Variants in PSMA6 observed in about 807,000 individuals in gnomAD.
PSMA6 encodes proteasome subunit alpha type-6.
For missense variants in PSMA6, 170 were observed against 294.8 expected, an observed-to-expected ratio of 0.58 and a Z score of 3.10; for synonymous variants, 88 against 97.7, an observed-to-expected ratio of 0.90 and a Z score of 0.59.
intron 1 of PSMA6, among the ~76,000 whole-genome samples, chr14:35,285,921 A>G (rs778290538): frequency 4.6e-5 from 7 of 152,238 alleles, no homozygotes; most frequent in Non-Finnish European, 1.0e-4. Context: ...TCACTTCTGA[A>G]TAATAGCAGT....
At chr14:35,279,178 G>T (rs995958984) in intron 1 of PSMA6, among the ~76,000 whole-genome samples, 2 of 152,146 alleles carry the variant, frequency 1.3e-5, no homozygotes, top group African/African-American at 4.8e-5. Flanking sequence ...CTCCTGAGTA[G>T]CTGGGATTAC....
chr14:35,297,101 C>CA (rs947579499), intron 1 of PSMA6, among the ~76,000 whole-genome samples: 7 of 87,626 alleles, frequency 8.0e-5, no homozygotes, highest in South Asian at 8.3e-4. Flanking sequence ...TAAGTAGCTT[C>CA]AAAAAAATCT....
intron 1 of PSMA6, among the ~76,000 whole-genome samples, chr14:35,306,042 A>G (rs2051820247): frequency 6.6e-6 from 1 of 152,122 alleles, no homozygotes; most frequent in Non-Finnish European, 1.5e-5. Flanking sequence ...CCTGGGCAAC[A>G]TGGGAAGACT....
At chr14:35,307,331 C>G (rs892911802) in intron 1 of PSMA6, among the ~76,000 whole-genome samples, 1 of 152,148 alleles carries the variant, frequency 6.6e-6, no homozygotes, top group Non-Finnish European at 1.5e-5. Context: ...AAATTTAAAG[C>G]AGCTAAATTT....
At chr14:35,301,168 GAGA>G (rs2138730615) in intron 1 of PSMA6, among the ~76,000 whole-genome samples, 1 of 152,242 alleles carries the variant, frequency 6.6e-6, no homozygotes, top group South Asian at 2.1e-4. Context: ...GGGAAGTTCA[GAGA>G]AGTAGGAGAG....
chr14:35,294,052 T>A (rs774065111), intron 1 of PSMA6, among the ~76,000 whole-genome samples: 2 of 152,236 alleles, frequency 1.3e-5, no homozygotes, highest in Non-Finnish European at 2.9e-5. Context: ...TTATTTATTT[T>A]TATTTTTTTG....
intron 1 of PSMA6, among the ~76,000 whole-genome samples, chr14:35,298,985 C>T (rs1474444797): frequency 1.3e-5 from 2 of 152,056 alleles, no homozygotes; most frequent in Non-Finnish European, 1.5e-5. Context: ...CCACCTGCCT[C>T]GGCCTCCCGA....
chr14:35,288,462 C>T (rs1020038109), upstream of PSMA6, among the ~76,000 whole-genome samples: 17 of 152,234 alleles, frequency 1.1e-4, no homozygotes, highest in Non-Finnish European at 2.5e-4. Context: ...CGTGCCACTG[C>T]ACTCCAGCCT....
At chr14:35,292,381 C>T (rs949225125), upstream of PSMA6, 4 of 1,540,792 alleles carry the variant, frequency 2.6e-6, no homozygotes, top group Non-Finnish European at 3.5e-6. Flanking sequence ...GCTGGTACCC[C>T]GGAAGCAGTC....
At chr14:35,287,372 C>T (rs1374511994) in intron 1 of PSMA6, among the ~76,000 whole-genome samples, 1 of 152,208 alleles carries the variant, frequency 6.6e-6, no homozygotes, top group Admixed American at 6.5e-5. Flanking sequence ...ACTCACAGGG[C>T]ACTGTGTTTC....
chr14:35,292,718 T>C (rs2051509335), intron 1 of PSMA6, 166 bp downstream of exon 1: 3 of 1,297,846 alleles, frequency 2.3e-6, no homozygotes, highest in Non-Finnish European at 3.1e-6. Context: ...TGCACCCCCG[T>C]CTGGACGCAG....
intron 1 of PSMA6, among the ~76,000 whole-genome samples, chr14:35,299,849 C>T (rs1406835927): frequency 1.3e-5 from 2 of 152,126 alleles, no homozygotes; most frequent in Non-Finnish European, 2.9e-5. Flanking sequence ...ACTGAAATTA[C>T]AGTGCAGCTT....
At chr14:35,314,546 TTA>T (rs1249632360) in intron 6 of PSMA6, 91 bp downstream of exon 6, 82 of 1,362,272 alleles carry the variant, frequency 6.0e-5, no homozygotes, top group Non-Finnish European at 7.9e-5. Flanking sequence ...TCTTTTTTCT[TTA>T]ACTGTCATTA....
chr14:35,310,870 T>C lies in PSMA6; in HGVS notation c.384T>C (p.Asn128=). 6.2e-7 allele frequency: 1 copy of C among 1,613,948 alleles called. No homozygotes were observed. The highest frequency in any genetic ancestry group is 1.1e-5 in the South Asian group (1 of 91,066). The part of the protein sequence containing the change: ...IADISQVYTQ[N]AEMRPLGCCM... ...ATATTTCTCAGGTCTACACACAGAATGCTGAAATGAGGCCTCTTGGTTGTT... is the reference window on the plus strand; with the variant it reads ...ATATTTCTCAGGTCTACACACAGAACGCTGAAATGAGGCCTCTTGGTTGTT... The change falls in exon 4 of 7, where the codon AAT becomes AAC. Residue 128 remains asparagine, a synonymous_variant. Coordinates refer to ENST00000261479, the MANE Select transcript of PSMA6 (RefSeq NM_002791.3).
intron 6 of PSMA6, chr14:35,315,905 T>C (rs1043744655): frequency 6.6e-6 from 1 of 152,180 alleles, no homozygotes; most frequent in African/African-American, 2.4e-5. Context: ...TGATAGTAAA[T>C]ATATGTAAAT....
At chr14:35,292,210 T>TAGA, upstream of PSMA6, 1 of 938,316 alleles carries the variant, frequency 1.1e-6, no homozygotes, top group South Asian at 2.9e-5. Context: ...CGACCCAAGT[T>TAGA]TCACGTCTAT....
At chr14:35,278,821 C>G in intron 1 of PSMA6, 1 of 1,386,598 alleles carries the variant, frequency 7.2e-7, no homozygotes, top group Non-Finnish European at 9.8e-7. Flanking sequence ...TGACCTTGCT[C>G]TAGAATCCCA....
At chr14:35,293,119 G>A (rs892678849) in intron 1 of PSMA6, 12 of 432,518 alleles carry the variant, frequency 2.8e-5, no homozygotes, top group African/African-American at 2.2e-4. Context: ...AATTAAAAGT[G>A]CCAATTTACA....
chr14:35,288,205 C>T (rs914087698), upstream of PSMA6, among the ~76,000 whole-genome samples: 1 of 152,194 alleles, frequency 6.6e-6, no homozygotes, highest in African/African-American at 2.4e-5. Flanking sequence ...GTGAACAAAA[C>T]AGATGTGGCT....
Sources: gnomAD v4.1 joint callset for allele counts (sites outside exome capture counted in the v4.1 genomes callset) on GRCh38, gnomAD v4.1.1 for gene constraint, MANE v1.5 for transcripts, NCBI Gene and HGNC (gene_info 2026-07-23, HGNC 2026-07-21) for gene names.